Variants in INSYN2B observed in about 807,000 individuals in gnomAD.
INSYN2B encodes the protein inhibitory synaptic factor family member 2B, also known as protein INSYN2B.
A neutral mutation model predicts 41.2 loss-of-function variants in INSYN2B; 16 were observed. The ratio of observed to expected loss-of-function variants is 0.39; its 90% CI spans 0.26 to 0.59. INSYN2B has a LOEUF of 0.59. Ranked by LOEUF, INSYN2B falls within the 20% of genes least tolerant of loss-of-function variation. The pLI is 0.57. For synonymous variants in INSYN2B, 245 were observed against 244.4 expected, an observed-to-expected ratio of 1.00 and a Z score of -0.02; for missense variants, 608 against 646.4, an observed-to-expected ratio of 0.94 and a Z score of 0.64.
intron 1 of INSYN2B, among the ~76,000 whole-genome samples, chr5:169,964,446 A>AG (rs1418013993): frequency 1.3e-5 from 2 of 152,218 alleles, no homozygotes; most frequent in African/African-American, 2.4e-5. Flanking sequence ...GAGGCCTGGG[A>AG]GGGGGCAGCT....
intron 1 of INSYN2B, among the ~76,000 whole-genome samples, chr5:169,935,617 G>A (rs555394075): frequency 6.0e-4 from 92 of 152,266 alleles, no homozygotes; most frequent in Non-Finnish European, 9.6e-4. Context: ...CCTACTTTGC[G>A]GTGAAATGAA....
intron 1 of INSYN2B, 107 bp downstream of exon 1, chr5:169,980,170 T>C (rs1362095213): frequency 5.9e-5 from 9 of 151,988 alleles, no homozygotes; most frequent in Admixed American, 4.6e-4. Flanking sequence ...AGTCTCACTG[T>C]TGATTTAAGC....
rs1421947629 is a variant in INSYN2B, at chr5:169,979,051, G to A, written c.-919+1226C>T. Among the ~76,000 whole-genome samples the A allele has an allele frequency of 2.6e-5, 4 of 152,156 alleles. No homozygotes were observed. The East Asian group carries it at 7.7e-4, about 29-fold the overall frequency. On this transcript the variant is annotated intron_variant, in intron 1 of 3. Coordinates refer to ENST00000377365, the MANE Select transcript of INSYN2B (RefSeq NM_001129891.3). Reference sequence around the variant, plus strand: ...CATGCTGCTTGGATATGGATGAGTGGCTGCCTCATTCCTAGGTAGTAAATA... The same window carrying A: ...CATGCTGCTTGGATATGGATGAGTGACTGCCTCATTCCTAGGTAGTAAATA...
chr5:169,938,924 A>T (rs174215), intron 1 of INSYN2B, among the ~76,000 whole-genome samples: 1 of 145,570 alleles, frequency 6.9e-6, no homozygotes, highest in Non-Finnish European at 1.5e-5. Context: ...TTTTTTTTGA[A>T]ATGGAGTCTT....
intron 1 of INSYN2B, among the ~76,000 whole-genome samples, chr5:169,927,726 C>T (rs1468068556): frequency 1.3e-5 from 2 of 152,230 alleles, no homozygotes; most frequent in African/African-American, 4.8e-5. Flanking sequence ...ATGCCATTCT[C>T]CTGCCTCAGC....
intron 1 of INSYN2B, among the ~76,000 whole-genome samples, chr5:169,896,969 A>T (rs76176616): frequency 0.058 from 8,777 of 152,316 alleles, 324 homozygotes; most frequent in Non-Finnish European, 0.083. Flanking sequence ...CAGAAAGGGA[A>T]TATAGTAAGA....
At chr5:169,905,297 T>TG (rs1303354842) in intron 1 of INSYN2B, among the ~76,000 whole-genome samples, 6 of 150,888 alleles carry the variant, frequency 4.0e-5, no homozygotes, top group East Asian at 2.0e-4. Context: ...GCCAGTGTTT[T>TG]TTTTTTTTTT....
intron 1 of INSYN2B, among the ~76,000 whole-genome samples, chr5:169,973,292 G>C (rs1321259368): frequency 6.6e-6 from 1 of 152,074 alleles, no homozygotes. Context: ...ATTTCCACAG[G>C]GGGGTTTAAA....
intron 1 of INSYN2B, among the ~76,000 whole-genome samples, chr5:169,945,790 C>A (rs1581455767): frequency 6.6e-6 from 1 of 152,334 alleles, no homozygotes; most frequent in South Asian, 2.1e-4. Flanking sequence ...GCCAGCACCT[C>A]TGGCTTTTGC....
At chr5:169,949,930 A>G (rs1185885177) in intron 1 of INSYN2B, among the ~76,000 whole-genome samples, 2 of 152,078 alleles carry the variant, frequency 1.3e-5, no homozygotes, top group African/African-American at 4.8e-5. Context: ...ATTTTCTTTT[A>G]TAGTTAATAC....
At chr5:169,910,875 C>A (rs73325974) in intron 1 of INSYN2B, among the ~76,000 whole-genome samples, 9,987 of 152,240 alleles carry the variant, frequency 0.066, 565 homozygotes, top group African/African-American at 0.14. Flanking sequence ...TCGGTTTCTC[C>A]TGCAGGGGGT....
At chr5:169,894,538 G>A (rs568688018) in intron 1 of INSYN2B, among the ~76,000 whole-genome samples, 1 of 152,156 alleles carries the variant, frequency 6.6e-6, no homozygotes, top group Admixed American at 6.5e-5. Flanking sequence ...TGCCTACACT[G>A]AAGAATTTTC....
In INSYN2B at chr5:169,908,063, C is replaced by T. The variant is rs143185007; in HGVS notation, c.-918-23247G>A. On this transcript the variant is annotated intron_variant, in intron 1 of 3. Transcript: ENST00000377365. ...GATGGAACAATTTAGATCAAGCCAT[C>T]CCCAGGAAAAGCTTTCATTGAACAA... Among the ~76,000 whole-genome samples the T allele has an allele frequency of 3.3e-5, 5 of 152,288 alleles. No individual in the cohort carries two copies. The East Asian group carries it at 7.7e-4, about 23-fold the overall frequency.
intron 1 of INSYN2B, among the ~76,000 whole-genome samples, chr5:169,908,041 G>C (rs1774390692): frequency 6.6e-6 from 1 of 152,176 alleles, no homozygotes. Context: ...AAGCTGTGAT[G>C]GAACAATTTA....
At chr5:169,926,392 A>T (rs561851910) in intron 1 of INSYN2B, among the ~76,000 whole-genome samples, 145 of 152,344 alleles carry the variant, frequency 9.5e-4, no homozygotes, top group African/African-American at 3.3e-3. Context: ...ACTGCCATAT[A>T]CATGCTGGCA....
intron 1 of INSYN2B, among the ~76,000 whole-genome samples, chr5:169,979,255 GCTGT>G (rs762084639): frequency 3.9e-5 from 6 of 152,264 alleles, no homozygotes; most frequent in Middle Eastern, 3.4e-3. Flanking sequence ...CAGTGTTAGG[GCTGT>G]CTAAGTTGCT....
At chr5:169,893,176 T>C (rs1210231593) in intron 1 of INSYN2B, among the ~76,000 whole-genome samples, 1 of 152,242 alleles carries the variant, frequency 6.6e-6, no homozygotes, top group Non-Finnish European at 1.5e-5. Context: ...TTTGCAAGCC[T>C]CAGGGCACCT....
At chr5:169,914,162 G>A (rs1774753753) in intron 1 of INSYN2B, among the ~76,000 whole-genome samples, 1 of 152,090 alleles carries the variant, frequency 6.6e-6, no homozygotes, top group East Asian at 1.9e-4. Flanking sequence ...AGCAAACCTT[G>A]GCTCCAACAA....
intron 1 of INSYN2B, among the ~76,000 whole-genome samples, chr5:169,974,005 G>A (rs1033391420): frequency 4.6e-5 from 7 of 152,146 alleles, no homozygotes; most frequent in African/African-American, 1.7e-4. Context: ...AGGTGGTGAG[G>A]TGGACGATCA....
Sources: allele counts gnomAD v4.1 joint callset (sites outside exome capture counted in the v4.1 genomes callset), GRCh38; gene constraint gnomAD v4.1.1; transcripts MANE v1.5; gene names NCBI Gene and HGNC (gene_info 2026-07-23, HGNC 2026-07-21).